Variants in CNTN5 observed in about 807,000 individuals in gnomAD.
CNTN5 encodes contactin-5.
Under a neutral mutation model 129.1 loss-of-function variants are expected in CNTN5, and 77 were observed. The ratio of observed to expected loss-of-function variants is 0.60; its 90% CI spans 0.50 to 0.72. The LOEUF (loss-of-function observed/expected upper bound fraction) is 0.72, where lower values mean the gene tolerates loss of function less well. CNTN5 is among the 30% of genes least tolerant of loss of function. The pLI is 0.00. For synonymous variants in CNTN5, 509 were observed against 465.6 expected, an observed-to-expected ratio of 1.09 and a Z score of -1.20; for missense variants, 1,478 against 1,328.8, an observed-to-expected ratio of 1.11 and a Z score of -1.75.
intron 1 of CNTN5, among the ~76,000 whole-genome samples, chr11:99,277,599 T>C (rs934207924): frequency 6.6e-6 from 1 of 151,488 alleles, no homozygotes; most frequent in African/African-American, 2.4e-5. Context: ...GACGTGTTTC[T>C]TTTTTTATCC....
chr11:100,220,269 T>C (rs1949235344), intron 15 of CNTN5, among the ~76,000 whole-genome samples: 1 of 151,514 alleles, frequency 6.6e-6, no homozygotes, highest in Non-Finnish European at 1.5e-5. Context: ...AGAGCGAGAC[T>C]CTGTCTCAAT....
intron 3 of CNTN5, among the ~76,000 whole-genome samples, chr11:99,580,115 T>C (rs1949520226): frequency 1.3e-5 from 2 of 152,224 alleles, no homozygotes; most frequent in Admixed American, 1.3e-4. Context: ...TGGTTCTGTT[T>C]AGACGCTGGA....
intron 1 of CNTN5, among the ~76,000 whole-genome samples, chr11:99,163,123 A>G (rs1166886890): frequency 1.3e-5 from 2 of 152,174 alleles, no homozygotes; most frequent in African/African-American, 4.8e-5. Context: ...GTTGTTCAAC[A>G]GTTTTTATGG....
chr11:100,156,677 C>T (rs558928217), intron 13 of CNTN5, among the ~76,000 whole-genome samples: 15 of 151,750 alleles, frequency 9.9e-5, no homozygotes, highest in African/African-American at 3.4e-4. Context: ...AACTTGTTAT[C>T]GGTCTATTCA....
At chr11:99,918,587 C>A (rs1168424282) in intron 7 of CNTN5, among the ~76,000 whole-genome samples, 3 of 152,112 alleles carry the variant, frequency 2.0e-5, no homozygotes, top group Admixed American at 2.0e-4. Context: ...CTCTCATCAC[C>A]AAGTCACACA....
chr11:100,310,279 C>A (rs893864513), intron 21 of CNTN5, among the ~76,000 whole-genome samples: 3 of 151,786 alleles, frequency 2.0e-5, no homozygotes, highest in African/African-American at 7.3e-5. Flanking sequence ...AGAGTGACAA[C>A]CCAGGCTCCT....
At chr11:99,723,128 C>T (rs983445721) in intron 3 of CNTN5, among the ~76,000 whole-genome samples, 3 of 152,002 alleles carry the variant, frequency 2.0e-5, no homozygotes, top group Non-Finnish European at 2.9e-5. Context: ...CATACTTACT[C>T]CCTTAATTAG....
rs539140781 is a variant in CNTN5 at position 99,167,299 on chromosome 11, A to G, written c.-210+146029A>G. Among the ~76,000 whole-genome samples, 4 of 152,282 alleles carry G rather than the reference A, an allele frequency of 2.6e-5. No individual in the cohort carries two copies. In the South Asian group the frequency reaches 6.2e-4, roughly 24 times the overall value. On this transcript the variant is annotated intron_variant, in intron 1 of 24. Coordinates refer to ENST00000524871, the MANE Select transcript of CNTN5 (RefSeq NM_014361.4). ...TTTAGTGTTAAAAGGGAAGAGGTAG[A>G]TAGACATAGATAAGCAGATATATTT... is the stretch of plus-strand genomic sequence containing the variant.
chr11:100,235,423 G>A (rs1046006642), intron 16 of CNTN5, among the ~76,000 whole-genome samples: 8 of 152,174 alleles, frequency 5.3e-5, no homozygotes, highest in Admixed American at 1.3e-4. Flanking sequence ...GAAGGCAGCT[G>A]TTCTCTGACC....
chr11:99,842,814 T>C (rs1947555976), intron 4 of CNTN5, among the ~76,000 whole-genome samples: 1 of 152,342 alleles, frequency 6.6e-6, no homozygotes, highest in African/African-American at 2.4e-5. Context: ...TCTCTAGTTA[T>C]TTATTAAATC....
intron 2 of CNTN5, among the ~76,000 whole-genome samples, chr11:99,525,464 A>G (rs1291690552): frequency 6.6e-6 from 1 of 152,354 alleles, no homozygotes; most frequent in African/African-American, 2.4e-5. Flanking sequence ...CTCAAACGAT[A>G]TGTCAAAAAC....
At chr11:99,302,122 A>AAAAGATG (rs1430928780) in intron 1 of CNTN5, among the ~76,000 whole-genome samples, 1 of 151,666 alleles carries the variant, frequency 6.6e-6, no homozygotes, top group Non-Finnish European at 1.5e-5. Flanking sequence ...TCTATATTAA[A>AAAAGATG]AAAGATGAAA....
chr11:99,183,199 A>T (rs1220883141), intron 1 of CNTN5, among the ~76,000 whole-genome samples: 2 of 152,184 alleles, frequency 1.3e-5, no homozygotes, highest in Admixed American at 6.5e-5. Context: ...TCTAGAAGCA[A>T]CACCATAACA....
At chr11:99,912,238 G>A (rs1419087410) in intron 6 of CNTN5, among the ~76,000 whole-genome samples, 3 of 151,980 alleles carry the variant, frequency 2.0e-5, no homozygotes, top group African/African-American at 7.2e-5. Context: ...GTGTGTATGT[G>A]TGTTCATGTA....
intron 1 of CNTN5, among the ~76,000 whole-genome samples, chr11:99,189,032 CCTT>C (rs1334492089): frequency 2.6e-5 from 4 of 151,656 alleles, no homozygotes; most frequent in Non-Finnish European, 4.4e-5. Flanking sequence ...TCTACTCTCT[CCTT>C]CTGTGATTTT....
At chr11:100,178,894 C>T (rs897063650) in intron 13 of CNTN5, among the ~76,000 whole-genome samples, 2 of 152,128 alleles carry the variant, frequency 1.3e-5, no homozygotes, top group Non-Finnish European at 2.9e-5. Context: ...AAAGATTCAA[C>T]GTCACTTGCT....
chr11:100,035,995 G>T (rs1941974899), intron 9 of CNTN5, among the ~76,000 whole-genome samples: 1 of 152,108 alleles, frequency 6.6e-6, no homozygotes, highest in Admixed American at 6.6e-5. Flanking sequence ...GTCAATTTTG[G>T]CTTTTGGTGC....
intron 2 of CNTN5, among the ~76,000 whole-genome samples, chr11:99,494,447 T>TA (rs1186169844): frequency 2.6e-5 from 4 of 152,178 alleles, no homozygotes; most frequent in African/African-American, 4.8e-5. Context: ...TTGGGATAAA[T>TA]AATTGCTTCA....
At chr11:99,524,696 G>T (rs1217805878) in intron 2 of CNTN5, among the ~76,000 whole-genome samples, 1 of 151,692 alleles carries the variant, frequency 6.6e-6, no homozygotes, top group Non-Finnish European at 1.5e-5. Context: ...TCAGCTACTC[G>T]AGAGGCTTAG....
Sources: allele counts gnomAD v4.1 joint callset (sites outside exome capture counted in the v4.1 genomes callset), GRCh38; gene constraint gnomAD v4.1.1; transcripts MANE v1.5; gene names NCBI Gene and HGNC (gene_info 2026-07-23, HGNC 2026-07-21).